DDI2: variants seen among roughly 807,000 people sequenced by gnomAD.
The protein encoded by DDI2 is DDI proteasomal shuttling factor 2.
Under a neutral mutation model 48.1 loss-of-function variants are expected in DDI2, and 5 were observed. That is an observed-to-expected ratio of 0.10 (90% confidence interval 0.05 to 0.22). The LOEUF (loss-of-function observed/expected upper bound fraction) is 0.22. DDI2 is among the 10% of genes least tolerant of loss of function. DDI2 has a pLI of 1.00. For synonymous variants in DDI2, 205 were observed against 183.6 expected (o/e 1.12, Z -0.94); for missense variants, 285 against 506.2 (o/e 0.56, Z 4.19).
intron 6 of DDI2, among the ~76,000 whole-genome samples, chr1:15,645,335 C>G (rs924430694): frequency 6.6e-6 from 1 of 152,212 alleles, no homozygotes; most frequent in Non-Finnish European, 1.5e-5. Flanking sequence ...TCACATCCCT[C>G]TGTTCTGGGG....
intron 2 of DDI2, among the ~76,000 whole-genome samples, chr1:15,628,155 GAGA>G (rs1410553505): frequency 2.0e-5 from 3 of 151,770 alleles, no homozygotes; most frequent in Non-Finnish European, 4.4e-5. Context: ...ACATGTTTTT[GAGA>G]ATTATTCTGA....
At position 15,661,052 on chromosome 1, in the gene DDI2, T is replaced by C. The variant is rs1462530154; in HGVS notation, c.*1262T>C. On this transcript the variant is annotated 3_prime_UTR_variant, in exon 10 of 10. Transcript: ENST00000480945. Reference sequence around the variant, plus strand: ...GAGGGCCAAACCAGTATTAAAGACCTTTCTGAAAGATGGACCCAAAATGAG... The same window carrying C: ...GAGGGCCAAACCAGTATTAAAGACCCTTCTGAAAGATGGACCCAAAATGAG... 3.1e-6 allele frequency: 5 copies of C among 1,614,130 alleles called. No homozygotes were observed. The Admixed American group carries it at 5.0e-5, about 16-fold the overall frequency.
intron 6 of DDI2, among the ~76,000 whole-genome samples, chr1:15,644,434 C>T (rs978376045): frequency 6.6e-6 from 1 of 152,266 alleles, no homozygotes; most frequent in Admixed American, 6.5e-5. Context: ...CTACATTATA[C>T]TGGTCTGCCT....
rs768478542 is a variant in DDI2, at chr1:15,661,282, T to A, written c.*1492T>A. The A allele has an allele frequency of 6.2e-7, 1 of 1,614,052 alleles. No homozygotes were observed. The highest frequency in any genetic ancestry group is 1.3e-5 in the African/African-American group (1 of 74,934). ...TAGGGAATCCATAAATAAGAACCGT[T>A]CTGTCACTGTAACCTCAGCTAAAAC... is the stretch of plus-strand genomic sequence containing the variant. On this transcript the variant is annotated 3_prime_UTR_variant, in exon 10 of 10. Transcript: ENST00000480945.
At chr1:15,622,496 T>A (rs1175594446) in intron 1 of DDI2, among the ~76,000 whole-genome samples, 2 of 152,208 alleles carry the variant, frequency 1.3e-5, no homozygotes, top group Non-Finnish European at 2.9e-5. Flanking sequence ...CTGGGGTGCC[T>A]CCTCTGGAGT....
intron 4 of DDI2, chr1:15,633,786 T>C (rs891138735): frequency 3.3e-6 from 2 of 601,958 alleles, no homozygotes; most frequent in Non-Finnish European, 5.8e-6. Context: ...ACTTTCTTTC[T>C]AAAATTTTAA....
chr1:15,625,366 C>T (rs1315312297), intron 1 of DDI2, among the ~76,000 whole-genome samples: 3 of 152,130 alleles, frequency 2.0e-5, no homozygotes, highest in Non-Finnish European at 4.4e-5. Context: ...GAAAACCTTT[C>T]AAAGCCTGAG....
At chr1:15,625,367 A>G (rs1040183582) in intron 1 of DDI2, among the ~76,000 whole-genome samples, 1 of 152,148 alleles carries the variant, frequency 6.6e-6, no homozygotes. Context: ...AAAACCTTTC[A>G]AAGCCTGAGT....
chr1:15,635,000 A>G (rs1016766861), intron 4 of DDI2, among the ~76,000 whole-genome samples: 1 of 152,176 alleles, frequency 6.6e-6, no homozygotes, highest in African/African-American at 2.4e-5. Context: ...CTGTAATCCC[A>G]ACACTTTGCT....
intron 3 of DDI2, among the ~76,000 whole-genome samples, chr1:15,631,045 G>A (rs1448783715): frequency 3.9e-5 from 6 of 152,100 alleles, no homozygotes; most frequent in Non-Finnish European, 7.4e-5. Context: ...GGGTTTCACC[G>A]TGTTAGCCAG....
chr1:15,650,595 A>G (rs990985011), intron 7 of DDI2, among the ~76,000 whole-genome samples: 4 of 152,142 alleles, frequency 2.6e-5, no homozygotes, highest in Non-Finnish European at 5.9e-5. Flanking sequence ...AAAAAGTACA[A>G]AAATTAGCTA....
intron 4 of DDI2, among the ~76,000 whole-genome samples, chr1:15,636,748 C>G (rs563194637): frequency 6.6e-6 from 1 of 152,228 alleles, no homozygotes; most frequent in Non-Finnish European, 1.5e-5. Context: ...GCATGAGCTG[C>G]TGTGCCAGGC....
intron 5 of DDI2, 135 bp downstream of exon 5, chr1:15,638,569 C>G (rs1489356784): frequency 1.0e-5 from 10 of 999,204 alleles, no homozygotes; most frequent in African/African-American, 1.8e-5. Flanking sequence ...GAGTCTTGCT[C>G]TGTCACCCAG....
intron 1 of DDI2, among the ~76,000 whole-genome samples, chr1:15,624,799 AAG>A (rs1639727512): frequency 6.6e-6 from 1 of 152,152 alleles, no homozygotes; most frequent in African/African-American, 2.4e-5. Flanking sequence ...TTTTTCACAA[AAG>A]AAAATTTGCA....
chr1:15,644,578 GTTTTTTTTGTTTTT>G (rs1324766090), intron 6 of DDI2, among the ~76,000 whole-genome samples: 4 of 110,144 alleles, frequency 3.6e-5, no homozygotes, highest in Non-Finnish European at 7.3e-5. Context: ...TTTCTTTTCA[GTTTTTTTTGTTTTT>G]TTTTTTTTTT....
rs911528613 is a variant in DDI2, at chr1:15,666,051, G to A, written c.*6261G>A. On this transcript the variant is annotated 3_prime_UTR_variant, in exon 10 of 10. Coordinates refer to ENST00000480945, the MANE Select transcript of DDI2 (RefSeq NM_032341.5). ...TCCTAGAAGATGAATGTTACCTTTT[G>A]TGTTAGGAGGTAGAGAAAATAAAAA... 4 of 152,136 alleles carry A rather than the reference G, an allele frequency of 2.6e-5. No individual in the cohort carries two copies. The highest frequency in any genetic ancestry group is 9.7e-5 in the African/African-American group (4 of 41,416). The allele number at this position is 152,136 out of a possible 1,614,324, so 9.4% of individuals were successfully genotyped here. A position where few individuals can be genotyped will look rare whatever the true frequency, so the allele number is the denominator to read the frequency against.
At chr1:15,629,624 C>A (rs904947022) in intron 2 of DDI2, among the ~76,000 whole-genome samples, 1 of 151,506 alleles carries the variant, frequency 6.6e-6, no homozygotes, top group African/African-American at 2.4e-5. Context: ...ATTCTTTAAT[C>A]CAAGCGTCAA....
chr1:15,631,428 T>C (rs1639842130), intron 3 of DDI2, among the ~76,000 whole-genome samples: 1 of 152,248 alleles, frequency 6.6e-6, no homozygotes, highest in African/African-American at 2.4e-5. Context: ...CTTGTAGCCA[T>C]CTTTATGAAT....
At chr1:15,630,701 A>G in intron 3 of DDI2, 140 bp downstream of exon 3, 1 of 655,892 alleles carries the variant, frequency 1.5e-6, no homozygotes, top group Non-Finnish European at 2.7e-6. Flanking sequence ...GAGGTAAATT[A>G]GTGCTAAAGT....
Sources: allele counts gnomAD v4.1 joint callset (sites outside exome capture counted in the v4.1 genomes callset), GRCh38; gene constraint gnomAD v4.1.1; transcripts MANE v1.5; gene names NCBI Gene and HGNC (gene_info 2026-07-23, HGNC 2026-07-21).